PCLO: variants seen among roughly 807,000 people sequenced by gnomAD.
PCLO encodes piccolo presynaptic cytomatrix protein.
In PCLO, 82 loss-of-function variants were observed where a neutral mutation model predicts 427.5. That is an observed-to-expected ratio of 0.19 (90% CI 0.16 to 0.23). The LOEUF (loss-of-function observed/expected upper bound fraction) is 0.23. Among genes scored for constraint, PCLO ranks in the 10% least tolerant of loss-of-function variants. PCLO has a pLI of 1.00. For missense variants in PCLO, 6,239 were observed against 6,115.9 expected (o/e 1.02, Z -0.67); for synonymous variants, 2,357 against 2,155.4 (o/e 1.09, Z -2.59).
chr7:82,935,502 C>T (rs767628406), intron 6 of PCLO, among the ~76,000 whole-genome samples: 24 of 151,152 alleles, frequency 1.6e-4, no homozygotes, highest in Non-Finnish European at 2.8e-4. Flanking sequence ...GCTTTTCACT[C>T]GGCAAAAAAG....
At chr7:82,935,589 T>C (rs188506523) in intron 6 of PCLO, among the ~76,000 whole-genome samples, 2 of 151,796 alleles carry the variant, frequency 1.3e-5, no homozygotes, top group Non-Finnish European at 1.5e-5. Context: ...CAAAGATAAG[T>C]TTAATAAACT....
Position 82,966,491 on chromosome 7 carries a change from T to C in PCLO, c.3301-4A>G. The C allele has an allele frequency of 6.5e-7, 1 of 1,532,190 alleles. No individual in the cohort carries two copies. The highest frequency in any genetic ancestry group is 8.8e-7 in the Non-Finnish European group (1 of 1,134,394). The allele number at this position is 1,532,190 out of a possible 1,614,324, so 94.9% of individuals were successfully genotyped here. A position where few individuals can be genotyped will look rare whatever the true frequency, so the allele number is the denominator to read the frequency against. On this transcript the variant is annotated splice_polypyrimidine_tract_variant and splice_region_variant and intron_variant, in intron 3 of 24. Coordinates refer to ENST00000333891, the MANE Select transcript of PCLO (RefSeq NM_033026.6). ...TTAAACAAAGCCATTCTTGAATCTG[T>C]GGGAAAAAAATTACAATGAACAGAT...
At chr7:82,918,472 C>T (rs993746838) in intron 6 of PCLO, among the ~76,000 whole-genome samples, 3 of 151,790 alleles carry the variant, frequency 2.0e-5, no homozygotes, top group Non-Finnish European at 4.4e-5. Flanking sequence ...TAAAAAAGTA[C>T]ACATGTAACA....
chr7:82,792,655 A>T (rs954315969), intron 22 of PCLO, among the ~76,000 whole-genome samples: 15 of 152,032 alleles, frequency 9.9e-5, no homozygotes, highest in Admixed American at 1.3e-4. Context: ...CTTCTTTTTT[A>T]AAAAAATAAA....
chr7:83,044,563 T>C (rs1176381466), intron 3 of PCLO, among the ~76,000 whole-genome samples: 2 of 152,162 alleles, frequency 1.3e-5, no homozygotes, highest in Admixed American at 6.6e-5. Context: ...AGTCGGTTTT[T>C]TTGTTTGTTT....
chr7:83,055,133 AC>A (rs930134901), intron 3 of PCLO, among the ~76,000 whole-genome samples: 3 of 152,082 alleles, frequency 2.0e-5, no homozygotes, highest in Non-Finnish European at 2.9e-5. Context: ...AAAAACTTTG[AC>A]TTTTTTCAAC....
chr7:83,156,157 C>T lies in PCLO; in HGVS notation c.484G>A (p.Ala162Thr), dbSNP rs750904619. ...MMPGFLSEVN[A>T]LSAVSSVVNK... is the part of the protein sequence containing the mutation. ...ACAACAGAGGAAACAGCACTTAAAGCGTTAACCTCTGAGAGGAAGCCAGGC... is the reference window on the plus strand; with the variant it reads ...ACAACAGAGGAAACAGCACTTAAAGTGTTAACCTCTGAGAGGAAGCCAGGC... The change falls in exon 2 of 25, where the codon GCT (alanine) becomes ACT (threonine). Residue 162 changes from alanine (A) to threonine (T), a missense_variant. Ala to Thr is a moderately conservative substitution (Grantham distance 58). Transcript: ENST00000333891. 4.3e-6 allele frequency: 7 copies of T among 1,613,568 alleles called. No homozygotes were observed. The South Asian group carries it at 6.6e-5, about 15-fold the overall frequency.
intron 6 of PCLO, among the ~76,000 whole-genome samples, chr7:82,941,532 A>T (rs546046967): frequency 6.6e-6 from 1 of 152,322 alleles, no homozygotes; most frequent in South Asian, 2.1e-4. Flanking sequence ...TCATCTTTAA[A>T]ATATGAAATA....
At chr7:83,044,331 T>C (rs549905291) in intron 3 of PCLO, among the ~76,000 whole-genome samples, 1 of 152,150 alleles carries the variant, frequency 6.6e-6, no homozygotes, top group Non-Finnish European at 1.5e-5. Flanking sequence ...ATATCATCCA[T>C]AAAGTGTGCA....
chr7:82,976,291 T>C (rs894967866), intron 3 of PCLO, among the ~76,000 whole-genome samples: 3 of 152,136 alleles, frequency 2.0e-5, no homozygotes, highest in African/African-American at 7.2e-5. Flanking sequence ...CATTCTGACC[T>C]GTCCTCATGG....
At chr7:82,906,095 A>G (rs1268022203) in intron 8 of PCLO, among the ~76,000 whole-genome samples, 1 of 151,962 alleles carries the variant, frequency 6.6e-6, no homozygotes, top group East Asian at 1.9e-4. Context: ...GTATACACAT[A>G]TATTTGAAAT....
At chr7:83,103,190 T>C (rs1790776820) in intron 3 of PCLO, among the ~76,000 whole-genome samples, 1 of 151,950 alleles carries the variant, frequency 6.6e-6, no homozygotes, top group African/African-American at 2.4e-5. Flanking sequence ...GCAACTATTG[T>C]TTTTGAGAAG....
chr7:82,762,020 A>G (rs917992207), intron 22 of PCLO, among the ~76,000 whole-genome samples: 2 of 152,076 alleles, frequency 1.3e-5, no homozygotes, highest in Admixed American at 1.3e-4. Context: ...TCCAACAAAT[A>G]TTTTATTTCC....
intron 8 of PCLO, among the ~76,000 whole-genome samples, chr7:82,905,362 C>A (rs931505753): frequency 2.0e-5 from 3 of 151,960 alleles, no homozygotes; most frequent in African/African-American, 7.2e-5. Context: ...CCTTCATGTC[C>A]TTTTTGTTAA....
intron 3 of PCLO, among the ~76,000 whole-genome samples, chr7:83,125,374 C>A (rs1216550079): frequency 6.6e-6 from 1 of 152,198 alleles, no homozygotes; most frequent in African/African-American, 2.4e-5. Context: ...CCGGCCACCA[C>A]CCCATCTGGG....
At chr7:82,912,883 T>C (rs1289314050) in intron 7 of PCLO, among the ~76,000 whole-genome samples, 2 of 152,082 alleles carry the variant, frequency 1.3e-5, no homozygotes, top group African/African-American at 4.8e-5. Context: ...ATGCTCATGA[T>C]GTACACACAA....
chr7:83,077,653 G>C (rs1789990300), intron 3 of PCLO, among the ~76,000 whole-genome samples: 1 of 152,098 alleles, frequency 6.6e-6, no homozygotes. Flanking sequence ...TCAGTCAAAT[G>C]AGAAGCACAG....
chr7:82,817,677 T>C (rs1791705489), intron 20 of PCLO, among the ~76,000 whole-genome samples: 1 of 152,164 alleles, frequency 6.6e-6, no homozygotes, highest in Non-Finnish European at 1.5e-5. Flanking sequence ...GAGTTTCCAG[T>C]AGTGGTCTGT....
chr7:82,950,936 G>A lies in PCLO; in HGVS notation c.9652C>T (p.Arg3218Cys), dbSNP rs764900762. 3.1e-6 allele frequency: 5 copies of A among 1,613,174 alleles called. No individual in the cohort carries two copies. The highest frequency in any genetic ancestry group is 1.7e-5 in the Admixed American group (1 of 59,996). ...ATTTTCTCCAGTTCCAGGAGCTCAC[G>A]CTCCAAGTCTAGCTGCTGCTGTTGT... The part of the protein sequence containing the change: ...DKQQQQLDLE[R>C]ELLELEKIKQ... Residue 3218 changes from arginine to cysteine, a missense_variant, in exon 6 of 25, where the codon CGT (arginine) becomes TGT (cysteine). Arg to Cys is a radical substitution (Grantham distance 180). Around this residue, in one of 5 missense-constraint regions of PCLO, gnomAD observed 4,677 missense variants for 4,468.4 expected, o/e 1.05. Coordinates refer to ENST00000333891, the MANE Select transcript of PCLO (RefSeq NM_033026.6).
Sources: gnomAD v4.1 joint callset for allele counts (sites outside exome capture counted in the v4.1 genomes callset) on GRCh38, gnomAD v4.1.1 for gene constraint, gnomAD v4.1.1 regional missense constraint, MANE v1.5 for transcripts, NCBI Gene and HGNC (gene_info 2026-07-23, HGNC 2026-07-21) for gene names.